The following ARHGEF10L variants were observed in gnomAD, a reference collection of about 807,000 sequenced individuals.
ARHGEF10L encodes rho guanine nucleotide exchange factor 10-like protein.
ARHGEF10L carries 69 observed loss-of-function variants against 141.2 expected under a neutral mutation model. That is an observed-to-expected ratio of 0.49 (90% CI 0.40 to 0.60). The LOEUF is 0.60. ARHGEF10L is among the 20% of genes least tolerant of loss of function. ARHGEF10L has a pLI of 0.00. For synonymous variants in ARHGEF10L, 711 were observed against 718.5 expected (o/e 0.99, Z 0.17); for missense variants, 1,482 against 1,734.3 (o/e 0.85, Z 2.58).
chr1:17,525,178 G>A, the ARHGEF10L span, among the ~76,000 whole-genome samples: 1 of 152,202 alleles, frequency 6.6e-6, no homozygotes, highest in Non-Finnish European at 1.5e-5. Flanking sequence ...ACCCCAGCAT[G>A]GGGAGGGAGG....
rs564635446 is a variant in ARHGEF10L at position 17,545,128 on chromosome 1, G to A, written c.-44+5178G>A. 8.5e-5 allele frequency among the ~76,000 whole-genome samples: 13 copies of A among 152,276 alleles called. No homozygotes were observed. The South Asian group carries it at 1.9e-3, about 22-fold the overall frequency. ...GGGTGTGGGTGTGTGTGTAATGTAC[G>A]TAGTGGTGTGCTACTGCATATCTCA... On this transcript the variant is annotated intron_variant, in intron 1 of 28. Transcript: ENST00000361221.
Position 17,686,077 on chromosome 1 carries a change from T to TG in ARHGEF10L, c.3010-1496_3010-1495insG, listed in dbSNP as rs1421282606. Among the ~76,000 whole-genome samples, 9 of 138,808 alleles carry TG rather than the reference T, an allele frequency of 6.5e-5. No individual in the cohort carries two copies. The East Asian group carries it at 6.8e-4, about 10-fold the overall frequency. The allele number at this position is 138,808 out of a possible 152,430, so 91.1% of individuals were successfully genotyped here. ...TTGGTGTGTTTGTTTTGTTTTGTTT[T>TG]TTTTCTTTCTTTCTTTCTTTCTTTC... On this transcript the variant is annotated intron_variant, in intron 26 of 28. Transcript: ENST00000361221.
the ARHGEF10L span, among the ~76,000 whole-genome samples, chr1:17,530,973 C>T: frequency 2.2e-4 from 33 of 151,386 alleles, no homozygotes; most frequent in Middle Eastern, 0.014. Flanking sequence ...CCACTGCACT[C>T]CAGCCTGGGT....
chr1:17,571,767 C>T (rs184831001), intron 1 of ARHGEF10L, among the ~76,000 whole-genome samples: 1 of 152,254 alleles, frequency 6.6e-6, no homozygotes, highest in African/African-American at 2.4e-5. Context: ...CCTCTGAGCT[C>T]AAGTGATCCA....
the ARHGEF10L span, among the ~76,000 whole-genome samples, chr1:17,527,390 GAC>G: frequency 1.3e-5 from 2 of 152,170 alleles, no homozygotes; most frequent in African/African-American, 4.8e-5. Context: ...ACAATTCTGA[GAC>G]AGCACCCAGG....
chr1:17,683,088 A>AGGGTGCTCACTGCCCCCTGCTCTCACCG (rs1414441784), intron 26 of ARHGEF10L, among the ~76,000 whole-genome samples: 4 of 142,974 alleles, frequency 2.8e-5, no homozygotes, highest in African/African-American at 7.8e-5. Context: ...TGCTCTCACC[A>AGGGTGCTCACTGCCCCCTGCTCTCACCG]GGGTGCTCAC....
At chr1:17,604,906 C>T (rs2081032176) in intron 6 of ARHGEF10L, 1 of 152,302 alleles carries the variant, frequency 6.6e-6, no homozygotes, top group South Asian at 2.1e-4. Context: ...TCTTCACTGT[C>T]CTCAGGGTCT....
Position 17,621,816 on chromosome 1 carries a change from T to C in ARHGEF10L, c.943-48T>C. On this transcript the variant is annotated intron_variant, in intron 10 of 28. Transcript: ENST00000361221. This position sits in a 1 kb window ranked among gnomAD's most constrained non-coding sequence, Gnocchi z 4.1. ...GCTCCCCTTCCTGTCACTTGGGCCCTGTGCAGCAGGTGTCATGTGCGCTGA... is the reference window on the plus strand; with the variant it reads ...GCTCCCCTTCCTGTCACTTGGGCCCCGTGCAGCAGGTGTCATGTGCGCTGA... 7.7e-7 allele frequency: 1 copy of C among 1,291,890 alleles called. No individual in the cohort carries two copies. The highest frequency in any genetic ancestry group is 1.1e-6 in the Non-Finnish European group (1 of 926,670). 80.0% of individuals were successfully genotyped at this position (1,291,890 alleles called of 1,614,324 possible). A position where few individuals can be genotyped will look rare whatever the true frequency, so the allele number is the denominator to read the frequency against.
chr1:17,636,857 C>T (rs138184553), intron 18 of ARHGEF10L, among the ~76,000 whole-genome samples: 33 of 152,254 alleles, frequency 2.2e-4, no homozygotes, highest in East Asian at 1.4e-3. Flanking sequence ...TGCAAAACCA[C>T]GGCCTAGAGA....
At chr1:17,550,124 G>A (rs1004106263) in intron 1 of ARHGEF10L, among the ~76,000 whole-genome samples, 2 of 152,182 alleles carry the variant, frequency 1.3e-5, no homozygotes, top group Admixed American at 6.5e-5. Flanking sequence ...AAAGTCTGGG[G>A]TTTGGGTTAT....
At chr1:17,692,499 T>C (rs913010348) in intron 27 of ARHGEF10L, among the ~76,000 whole-genome samples, 1 of 152,146 alleles carries the variant, frequency 6.6e-6, no homozygotes, top group Non-Finnish European at 1.5e-5. Flanking sequence ...GGAGCCTCAG[T>C]GCTATCCTGG....
chr1:17,613,987 G>A (rs1301079514), intron 8 of ARHGEF10L, among the ~76,000 whole-genome samples: 1 of 152,220 alleles, frequency 6.6e-6, no homozygotes, highest in Non-Finnish European at 1.5e-5. Context: ...GAAGCTCAGT[G>A]GACAGTGGCT....
chr1:17,613,811 C>T (rs1210420367), intron 8 of ARHGEF10L, among the ~76,000 whole-genome samples: 1 of 152,202 alleles, frequency 6.6e-6, no homozygotes, highest in African/African-American at 2.4e-5. Flanking sequence ...GGTTTGAATC[C>T]CAATCTCACC....
intron 13 of ARHGEF10L, among the ~76,000 whole-genome samples, chr1:17,624,741 G>A (rs1433253956): frequency 1.3e-5 from 2 of 152,194 alleles, no homozygotes; most frequent in Non-Finnish European, 2.9e-5. Flanking sequence ...GCAGGGTGGA[G>A]GGAAGACCTG....
Position 17,635,096 on chromosome 1 carries a change from T to C in ARHGEF10L, c.1927+80T>C. 3.2e-6 allele frequency: 5 copies of C among 1,556,888 alleles called. No homozygotes were observed. The Admixed American group carries it at 6.0e-5, about 19-fold the overall frequency. On this transcript the variant is annotated intron_variant, in intron 18 of 28. Coordinates refer to ENST00000361221, the MANE Select transcript of ARHGEF10L (RefSeq NM_018125.4). ...AGCCTGGGCTGCTCCTACCCAGGCT[T>C]GGCCCTGTCTTGGGGACCCCTACAT...
intron 16 of ARHGEF10L, among the ~76,000 whole-genome samples, chr1:17,632,688 A>T (rs1455404360): frequency 6.6e-6 from 1 of 152,200 alleles, no homozygotes; most frequent in Non-Finnish European, 1.5e-5. Context: ...CCTCGGGCAC[A>T]CAGCTGTCCA....
chr1:17,549,593 C>A (rs747860072), intron 1 of ARHGEF10L, among the ~76,000 whole-genome samples: 1 of 152,068 alleles, frequency 6.6e-6, no homozygotes, highest in African/African-American at 2.4e-5. Context: ...GAAAAGTATT[C>A]CGGGTAGGAG....
Position 17,697,455 on chromosome 1 carries a change from C to T in ARHGEF10L, c.*75C>T. The T allele has an allele frequency of 6.7e-7, 1 of 1,486,370 alleles. No individual in the cohort carries two copies. Among genetic ancestry groups the T allele is most frequent in the Non-Finnish European group, 9.0e-7 (1 of 1,106,340 alleles). The allele number at this position is 1,486,370 out of a possible 1,614,324, so 92.1% of individuals were successfully genotyped here. Reference sequence around the variant, plus strand: ...ACGCCCGGCTCTCGTGCTCTAGGACCTGCACGGGACTTGTGGATGGGCCTG... The same window carrying T: ...ACGCCCGGCTCTCGTGCTCTAGGACTTGCACGGGACTTGTGGATGGGCCTG... On this transcript the variant is annotated 3_prime_UTR_variant, in exon 29 of 29. Coordinates refer to ENST00000361221, the MANE Select transcript of ARHGEF10L (RefSeq NM_018125.4). The surrounding 1 kb of genome is among the most constrained non-coding windows in gnomAD (Gnocchi z 4.8).
Position 17,558,535 on chromosome 1 carries a change from T to C in ARHGEF10L, c.-44+18585T>C, listed in dbSNP as rs1406508324. ...GGAGACTGCTCTGATGCCAGCTGCATGTGCTAAGCAAAGTGTATTTGGGAG... is the reference window on the plus strand; with the variant it reads ...GGAGACTGCTCTGATGCCAGCTGCACGTGCTAAGCAAAGTGTATTTGGGAG... On this transcript the variant is annotated intron_variant, in intron 1 of 28. Transcript: ENST00000361221. The surrounding 1 kb of genome is among the most constrained non-coding windows in gnomAD (Gnocchi z 4.2). Among the ~76,000 whole-genome samples, 3 of 152,236 alleles carry C rather than the reference T, an allele frequency of 2.0e-5. No individual in the cohort carries two copies. The highest frequency in any genetic ancestry group is 2.9e-5 in the Non-Finnish European group (2 of 68,042).
Sources: allele counts gnomAD v4.1 joint callset (sites outside exome capture counted in the v4.1 genomes callset), GRCh38; gene constraint gnomAD v4.1.1; non-coding constraint Gnocchi (gnomAD v3.1); transcripts MANE v1.5; gene names NCBI Gene and HGNC (gene_info 2026-07-23, HGNC 2026-07-21).